Variants in CLTCL1 observed in about 807,000 individuals in gnomAD.
CLTCL1 encodes clathrin heavy chain like 1, also known as clathrin heavy chain 2.
A neutral mutation model predicts 190.0 loss-of-function variants in CLTCL1; 159 were observed. The ratio of observed to expected loss-of-function variants is 0.84; its 90% CI spans 0.74 to 0.95. The LOEUF (loss-of-function observed/expected upper bound fraction) is 0.95, where lower values mean the gene tolerates loss of function less well. CLTCL1 is among the 40% of genes least tolerant of loss of function. CLTCL1 has a pLI of 0.00. For synonymous variants in CLTCL1, 752 were observed against 769.6 expected (o/e 0.98, Z 0.38); for missense variants, 1,878 against 2,033.4 (o/e 0.92, Z 1.47).
chr22:19,276,707 T>C lies in CLTCL1; in HGVS notation c.43-877A>G, dbSNP rs187109505. Among the ~76,000 whole-genome samples, 257 of 152,338 alleles carry C rather than the reference T, an allele frequency of 1.7e-3. 2 individuals are homozygous for C. The highest frequency in any genetic ancestry group is 0.015 in the Admixed American group (226 of 15,296). The stretch of plus-strand genomic sequence containing the variant: ...TTTTTTGAGCCGGAGTCTCGCTCTG[T>C]TGCCCAGGCTGGAGTGCAGTGGTGC... On this transcript the variant is annotated intron_variant, in intron 1 of 32. Transcript: ENST00000427926.
At chr22:19,220,910 T>C (rs1043712203) in intron 17 of CLTCL1, among the ~76,000 whole-genome samples, 5 of 151,998 alleles carry the variant, frequency 3.3e-5, no homozygotes, top group African/African-American at 4.8e-5. Context: ...CAAGAGCTCA[T>C]TGGTCAGGTG....
chr22:19,238,129 C>T (rs1227220834), intron 5 of CLTCL1, among the ~76,000 whole-genome samples: 2 of 151,960 alleles, frequency 1.3e-5, no homozygotes, highest in Non-Finnish European at 2.9e-5. Flanking sequence ...CTCCAGGCCG[C>T]GGTGCAGTGG....
chr22:19,212,583 AAG>A (rs1245830518), intron 19 of CLTCL1, among the ~76,000 whole-genome samples: 37 of 128,148 alleles, frequency 2.9e-4, no homozygotes, highest in African/African-American at 1.0e-3. Flanking sequence ...GAAAGAAAGA[AAG>A]AGAAAGAAAG....
intron 1 of CLTCL1, among the ~76,000 whole-genome samples, chr22:19,279,564 A>T (rs974896062): frequency 6.6e-6 from 1 of 152,238 alleles, no homozygotes; most frequent in African/African-American, 2.4e-5. Context: ...ATATGGGCTC[A>T]CTAAGAAGTC....
At chr22:19,203,568 C>G (rs1266277059) in intron 22 of CLTCL1, among the ~76,000 whole-genome samples, 3 of 152,160 alleles carry the variant, frequency 2.0e-5, no homozygotes, top group African/African-American at 7.2e-5. Context: ...CTGCTTTTCT[C>G]CCACCCCGCT....
chr22:19,221,336 G>T, intron 17 of CLTCL1, 41 bp downstream of exon 17: 2 of 1,454,204 alleles, frequency 1.4e-6, no homozygotes, highest in Non-Finnish European at 1.9e-6. Context: ...TTCCCTGGGA[G>T]CCCAGGGTTA....
Position 19,198,600 on chromosome 22 carries a change from T to C in CLTCL1, c.3873+1134A>G, listed in dbSNP as rs1452583291. Reference sequence around the variant, plus strand: ...CTCAAATGTTCCCATGACCAAATCCTTCCATTTCTTCAGGTCTTTGCTCAA... The same window carrying C: ...CTCAAATGTTCCCATGACCAAATCCCTCCATTTCTTCAGGTCTTTGCTCAA... On this transcript the variant is annotated intron_variant, in intron 24 of 32. Transcript: ENST00000427926. This position sits in a 1 kb window ranked among gnomAD's most constrained non-coding sequence, Gnocchi z 4.1. Among the ~76,000 whole-genome samples, 1 of 152,194 alleles carries C rather than the reference T, an allele frequency of 6.6e-6. No individual in the cohort carries two copies. Among genetic ancestry groups the C allele is most frequent in the Non-Finnish European group, 1.5e-5 (1 of 68,032 alleles).
At chr22:19,207,411 G>A in intron 22 of CLTCL1, 1 of 396,140 alleles carries the variant, frequency 2.5e-6, no homozygotes, top group Non-Finnish European at 4.4e-6. Context: ...CTGGATGTAA[G>A]TCTTCACATC....
At chr22:19,232,688 G>A in intron 9 of CLTCL1, 90 bp from the exon 10 acceptor site, 1 of 1,480,486 alleles carries the variant, frequency 6.8e-7, no homozygotes, top group Non-Finnish European at 9.0e-7. Flanking sequence ...TTAAACTCGT[G>A]TTAACAAAGA....
Position 19,210,534 on chromosome 22 carries a change from G to A in CLTCL1, c.3066-25C>T, listed in dbSNP as rs114554450. On this transcript the variant is annotated intron_variant, in intron 19 of 32. Transcript: ENST00000427926. ...CCTGAGGAGAGAGGGTGGTCAGCAC[G>A]GCATCCCAGGAACGAAGGCTGCACA... 2,929 of 1,598,274 alleles carry A rather than the reference G, an allele frequency of 1.8e-3. 42 individuals are homozygous for A. In the African/African-American group the frequency reaches 0.034, roughly 18 times the overall value.
intron 5 of CLTCL1, among the ~76,000 whole-genome samples, chr22:19,237,021 C>A (rs990011506): frequency 1.3e-5 from 2 of 152,124 alleles, no homozygotes; most frequent in Non-Finnish European, 2.9e-5. Flanking sequence ...TTGTGATCAT[C>A]TTCAGGTGCA....
chr22:19,194,598 G>A (rs1365630372), intron 26 of CLTCL1, among the ~76,000 whole-genome samples: 2 of 152,242 alleles, frequency 1.3e-5, no homozygotes, highest in African/African-American at 2.4e-5. Context: ...AGCGCCCACC[G>A]GATGCCAGGC....
chr22:19,275,260 C>G, intron 2 of CLTCL1, among the ~76,000 whole-genome samples: 1 of 152,174 alleles, frequency 6.6e-6, no homozygotes, highest in Non-Finnish European at 1.5e-5. Context: ...AACCCCCGAG[C>G]CTGTGTCGTC....
In CLTCL1 at chr22:19,251,344, T is replaced by A. The variant is rs894402373; in HGVS notation, c.519+2615A>T. On this transcript the variant is annotated intron_variant, in intron 3 of 32. Transcript: ENST00000427926. ...TTGTATTCTGTAACCTTGTTCAATT[T>A]GTTTATTAGTTCTAATAGTTTTTTA... Among the ~76,000 whole-genome samples the A allele has an allele frequency of 4.1e-4, 63 of 152,356 alleles. 1 individual carries two copies. Among genetic ancestry groups the A allele is most frequent in the African/African-American group, 1.5e-3 (62 of 41,586 alleles).
intron 18 of CLTCL1, among the ~76,000 whole-genome samples, chr22:19,217,781 G>A (rs533002020): frequency 6.6e-6 from 1 of 151,524 alleles, no homozygotes; most frequent in East Asian, 1.9e-4. Context: ...CTGGGAAGTG[G>A]AGGTTGCAGT....
intron 2 of CLTCL1, among the ~76,000 whole-genome samples, chr22:19,271,639 T>A (rs1392959895): frequency 2.0e-5 from 3 of 152,156 alleles, no homozygotes; most frequent in Non-Finnish European, 2.9e-5. Context: ...AATTATCCTG[T>A]CTCAGGTAGT....
chr22:19,186,812 G>A (rs2084331009), intron 29 of CLTCL1, among the ~76,000 whole-genome samples: 5 of 152,108 alleles, frequency 3.3e-5, no homozygotes, highest in Admixed American at 3.3e-4. Context: ...TATTGGCCAG[G>A]CTGGTCTTGA....
rs1555960046 is a variant in CLTCL1 at position 19,233,323 on chromosome 22, G to C, written c.1369-5C>G. The C allele has an allele frequency of 6.2e-7, 1 of 1,611,846 alleles. No individual in the cohort carries two copies. Among genetic ancestry groups the C allele is most frequent in the South Asian group, 1.1e-5 (1 of 91,038 alleles). The stretch of plus-strand genomic sequence containing the variant: ...GAGCTCCTCTGAGCACTCCAGCTGT[G>C]GTATGCCAAGGGACAAGGCAAAGTT... On this transcript the variant is annotated splice_polypyrimidine_tract_variant and splice_region_variant and intron_variant, in intron 8 of 32. Coordinates refer to ENST00000427926, the MANE Select transcript of CLTCL1 (RefSeq NM_007098.4).
chr22:19,271,114 C>T (rs113489950), intron 2 of CLTCL1, among the ~76,000 whole-genome samples: 1,771 of 152,098 alleles, frequency 0.012, 34 homozygotes, highest in African/African-American at 0.039. Context: ...TCAGTGCCAA[C>T]TCTGCCGCAC....
Sources: allele counts gnomAD v4.1 joint callset (sites outside exome capture counted in the v4.1 genomes callset), GRCh38; gene constraint gnomAD v4.1.1; non-coding constraint Gnocchi (gnomAD v3.1); transcripts MANE v1.5; gene names NCBI Gene and HGNC (gene_info 2026-07-23, HGNC 2026-07-21).